The following HMGCS1 variants were observed in gnomAD, a reference collection of about 807,000 sequenced individuals.
HMGCS1 encodes hydroxymethylglutaryl-CoA synthase, cytoplasmic.
Under a neutral mutation model 52.3 loss-of-function variants are expected in HMGCS1, and 9 were observed. The observed-to-expected ratio is 0.17, with a 90% CI of 0.10 to 0.30. HMGCS1 has a LOEUF of 0.30. HMGCS1 is among the 10% of genes least tolerant of loss of function. The probability of loss-of-function intolerance (pLI) is 1.00; values close to 1 mark genes in which losing one functional copy is unlikely to be tolerated. For synonymous variants in HMGCS1, 176 were observed against 214.4 expected, an observed-to-expected ratio of 0.82 and a Z score of 1.57; for missense variants, 320 against 620.9, an observed-to-expected ratio of 0.52 and a Z score of 5.15.
chr5:43,301,577 A>T (rs572393614), intron 2 of HMGCS1, among the ~76,000 whole-genome samples: 1 of 152,252 alleles, frequency 6.6e-6, no homozygotes, highest in Non-Finnish European at 1.5e-5. Flanking sequence ...ATACATATAT[A>T]AAGTATACAT....
At chr5:43,293,435 T>A (rs1398392001) in intron 8 of HMGCS1, among the ~76,000 whole-genome samples, 1 of 152,162 alleles carries the variant, frequency 6.6e-6, no homozygotes, top group East Asian at 1.9e-4. Flanking sequence ...TTCATCAGTT[T>A]ATCTCTACAT....
Position 43,304,658 on chromosome 5 carries a change from A to G in HMGCS1, c.-11+3108T>C, listed in dbSNP as rs546821285. Among the ~76,000 whole-genome samples the G allele has an allele frequency of 9.8e-5, 15 of 152,370 alleles. No homozygotes were observed. In the East Asian group the frequency reaches 2.7e-3, roughly 27 times the overall value. On this transcript the variant is annotated intron_variant, in intron 2 of 10. Transcript: ENST00000325110. ...CTAAATGTCCTACATTAAATACATG[A>G]CATGTTTCATTTGAAAACAAACAAA... is the stretch of plus-strand genomic sequence containing the variant.
chr5:43,291,079 A>ACCCCCCCCCCCCACCCC lies in HMGCS1; in HGVS notation c.*51_*52insGGGGTGGGGGGGGGGGG. The stretch of plus-strand genomic sequence containing the variant: ...ATCCCATTCCTCCAACTGTTCCCAT[A>ACCCCCCCCCCCCACCCC]CCCCCACCCCATGCCCACCCCACCC... On this transcript the variant is annotated 3_prime_UTR_variant, in exon 11 of 11. Coordinates refer to ENST00000325110, the MANE Select transcript of HMGCS1 (RefSeq NM_001098272.3). The ACCCCCCCCCCCCACCCC allele has an allele frequency of 1.3e-6, 1 of 780,104 alleles. No individual in the cohort carries two copies. The highest frequency in any genetic ancestry group is 2.3e-6 in the Non-Finnish European group (1 of 430,614). The allele number at this position is 780,104 out of a possible 1,614,324, so 48.3% of individuals were successfully genotyped here. A position where few individuals can be genotyped will look rare whatever the true frequency, so the allele number is the denominator to read the frequency against.
chr5:43,292,975 T>TA lies in HMGCS1; in HGVS notation c.1184-3dup. The TA allele has an allele frequency of 6.3e-7, 1 of 1,580,802 alleles. No homozygotes were observed. Among genetic ancestry groups the TA allele is most frequent in the Non-Finnish European group, 8.6e-7 (1 of 1,169,134 alleles). ...CTGTTATTTTATCAAGAGCAGACCC[T>TA]AAAATAGTGAATAATTCAACATTAA... On this transcript the variant is annotated splice_region_variant and splice_polypyrimidine_tract_variant and intron_variant, in intron 8 of 10. Transcript: ENST00000325110.
chr5:43,301,549 C>A (rs1754317675), intron 2 of HMGCS1, among the ~76,000 whole-genome samples: 1 of 152,164 alleles, frequency 6.6e-6, no homozygotes, highest in South Asian at 2.1e-4. Flanking sequence ...TTGAATCAAC[C>A]TTTTGTTTTA....
chr5:43,299,842 C>T (rs1341486606), intron 2 of HMGCS1, among the ~76,000 whole-genome samples: 1 of 152,140 alleles, frequency 6.6e-6, no homozygotes, highest in Non-Finnish European at 1.5e-5. Flanking sequence ...GCTTCAGCTT[C>T]TTTAACAGGT....
In HMGCS1 at chr5:43,293,315, A is replaced by C. The variant is rs886720886; in HGVS notation, c.1184-342T>G. ...ACTATGTTGCTCAGGTTGGCCTTGA[A>C]CATCTGGCCTCAAGCAATCCTCCCA... On this transcript the variant is annotated intron_variant, in intron 8 of 10. Transcript: ENST00000325110. Among the ~76,000 whole-genome samples, 4 of 152,214 alleles carry C rather than the reference A, an allele frequency of 2.6e-5. No homozygotes were observed. In the South Asian group the frequency reaches 8.3e-4, roughly 31 times the overall value.
chr5:43,302,256 A>C (rs1276727180), intron 2 of HMGCS1, among the ~76,000 whole-genome samples: 2 of 152,218 alleles, frequency 1.3e-5, no homozygotes, highest in South Asian at 4.1e-4. Context: ...TAAATGCTAA[A>C]TACTACCCAA....
intron 2 of HMGCS1, among the ~76,000 whole-genome samples, chr5:43,300,055 A>G (rs1579651189): frequency 6.6e-6 from 1 of 152,182 alleles, no homozygotes; most frequent in South Asian, 2.1e-4. Flanking sequence ...GAACCCAGAG[A>G]CCCAAAGTCC....
Position 43,289,753 on chromosome 5 carries a change from T to C in HMGCS1, c.*1378A>G, listed in dbSNP as rs1244371679. 5 of 152,632 alleles carry C rather than the reference T, an allele frequency of 3.3e-5. No homozygotes were observed. Among genetic ancestry groups the C allele is most frequent in the South Asian group, 2.1e-4 (1 of 4,830 alleles). The allele number at this position is 152,632 out of a possible 1,614,324, so 9.5% of individuals were successfully genotyped here. A position where few individuals can be genotyped will look rare whatever the true frequency, so the allele number is the denominator to read the frequency against. On this transcript the variant is annotated 3_prime_UTR_variant, in exon 11 of 11. Transcript: ENST00000325110. The stretch of plus-strand genomic sequence containing the variant: ...ATCTTACAAACACTACTATTACATA[T>C]TACCTTGCAATCTGAAACATTATAT...
intron 2 of HMGCS1, among the ~76,000 whole-genome samples, chr5:43,305,130 G>T (rs565244237): frequency 6.6e-6 from 1 of 152,184 alleles, no homozygotes. Flanking sequence ...GGGATTACAG[G>T]CGGGTGCCAC....
rs1481703414 is a variant in HMGCS1, at chr5:43,287,937, T to C, written c.*3194A>G. The stretch of plus-strand genomic sequence containing the variant: ...CTGAAGTGGGGCCCAACATTTCTGA[T>C]GCGTAGATCAAAGGCTTAAGGCTGG... On this transcript the variant is annotated 3_prime_UTR_variant, in exon 11 of 11. Coordinates refer to ENST00000325110, the MANE Select transcript of HMGCS1 (RefSeq NM_001098272.3). The C allele has an allele frequency of 1.3e-5, 2 of 152,188 alleles. No individual in the cohort carries two copies. Among genetic ancestry groups the C allele is most frequent in the Non-Finnish European group, 2.9e-5 (2 of 68,078 alleles). The allele number at this position is 152,188 out of a possible 1,614,324, so 9.4% of individuals were successfully genotyped here. A position where few individuals can be genotyped will look rare whatever the true frequency, so the allele number is the denominator to read the frequency against.
At chr5:43,291,783 A>G (rs1753779771) in intron 10 of HMGCS1, among the ~76,000 whole-genome samples, 1 of 152,142 alleles carries the variant, frequency 6.6e-6, no homozygotes, top group Non-Finnish European at 1.5e-5. Flanking sequence ...AGCAGGTAAC[A>G]GGAATTCAAA....
intron 4 of HMGCS1, 66 bp from the exon 5 acceptor site, chr5:43,297,232 A>G (rs532591906): frequency 2.3e-6 from 3 of 1,296,554 alleles, no homozygotes; most frequent in African/African-American, 1.5e-5. Context: ...GTTAATAAGT[A>G]TACTGCATTA....
rs1397898437 is a variant in HMGCS1, at chr5:43,289,261, G to C, written c.*1870C>G. On this transcript the variant is annotated 3_prime_UTR_variant, in exon 11 of 11. Coordinates refer to ENST00000325110, the MANE Select transcript of HMGCS1 (RefSeq NM_001098272.3). ...CCTTGCTTATATTAGGATTTCAAAT[G>C]TTTGTGAAATGATAAATGAATGGAA... 6.6e-6 allele frequency: 1 copy of C among 152,386 alleles called. No homozygotes were observed. Among genetic ancestry groups the C allele is most frequent in the African/African-American group, 2.4e-5 (1 of 41,438 alleles). The allele number at this position is 152,386 out of a possible 1,614,324, so 9.4% of individuals were successfully genotyped here.
Position 43,295,836 on chromosome 5 carries a change from G to C in HMGCS1, c.821C>G (p.Ser274Cys), listed in dbSNP as rs1351006623. 6.2e-7 allele frequency: 1 copy of C among 1,612,304 alleles called. No individual in the cohort carries two copies. Among genetic ancestry groups the C allele is most frequent in the Admixed American group, 1.7e-5 (1 of 60,004 alleles). The change falls in exon 6 of 11, where the codon TCT becomes TGT. Residue 274 changes from serine (S) to cysteine (C), a missense_variant. Coordinates refer to ENST00000325110, the MANE Select transcript of HMGCS1 (RefSeq NM_001098272.3). ...HSPYCKLVQK[S>C]LARMLLNDFL... ...GTCATTCAGCAACATCCGAGCTAGA[G>C]ATTTCTGAACCAGTTTACAATATGG...
At chr5:43,302,613 A>T (rs1347197347) in intron 2 of HMGCS1, among the ~76,000 whole-genome samples, 1 of 152,238 alleles carries the variant, frequency 6.6e-6, no homozygotes, top group Non-Finnish European at 1.5e-5. Flanking sequence ...GGAAAATAAC[A>T]AAACTGCCAG....
intron 2 of HMGCS1, among the ~76,000 whole-genome samples, chr5:43,299,209 T>C (rs576157971): frequency 6.6e-6 from 1 of 152,282 alleles, no homozygotes; most frequent in Non-Finnish European, 1.5e-5. Context: ...TTATTCAAAA[T>C]TGGGCATCTC....
chr5:43,294,712 G>C lies in HMGCS1; in HGVS notation c.1055C>G (p.Ser352Cys). 1 of 1,609,046 alleles carries C rather than the reference G, an allele frequency of 6.2e-7. No homozygotes were observed. The highest frequency in any genetic ancestry group is 8.5e-7 in the Non-Finnish European group (1 of 1,177,138). Residue 352 changes from serine to cysteine, a missense_variant, in exon 7 of 11, where the codon TCC becomes TGC. Ser to Cys is a moderately radical substitution (Grantham distance 112). This residue lies in a region of HMGCS1 where 213 missense variants were observed against 337.4 expected (regional missense o/e 0.63). Coordinates refer to ENST00000325110, the MANE Select transcript of HMGCS1 (RefSeq NM_001098272.3). Reference protein sequence around the residue: ...GNMYTSSVYGSLASVLAQYSP... With the variant: ...GNMYTSSVYGCLASVLAQYSP... ...TTACTGTGCTAGAACAGATGCAAGGGAACCATATACTGAAGATGTGTACAT... is the reference window on the plus strand; with the variant it reads ...TTACTGTGCTAGAACAGATGCAAGGCAACCATATACTGAAGATGTGTACAT...
Sources: allele counts gnomAD v4.1 joint callset (sites outside exome capture counted in the v4.1 genomes callset), GRCh38; gene constraint gnomAD v4.1.1; regional missense constraint gnomAD v4.1.1; transcripts MANE v1.5; gene names NCBI Gene and HGNC (gene_info 2026-07-23, HGNC 2026-07-21).